ARHGEF17: variants seen among roughly 807,000 people sequenced by gnomAD.
ARHGEF17 encodes the protein 164 kDa Rho-specific guanine-nucleotide exchange factor.
Under a neutral mutation model 174.0 loss-of-function variants are expected in ARHGEF17, and 80 were observed. The ratio of observed to expected loss-of-function variants is 0.46; its 90% CI spans 0.38 to 0.55. The LOEUF is 0.55. ARHGEF17 is among the 20% of genes least tolerant of loss of function. The pLI, the probability that ARHGEF17 is intolerant of heterozygous loss-of-function variation, is 0.00. For missense variants in ARHGEF17, 2,886 were observed against 2,839.7 expected, an observed-to-expected ratio of 1.02 and a Z score of -0.37; for synonymous variants, 1,311 against 1,189.1, an observed-to-expected ratio of 1.10 and a Z score of -2.11.
At position 73,309,365 on chromosome 11, in the gene ARHGEF17, A is replaced by G; in HGVS notation, c.727A>G (p.Ser243Gly). Residue 243 changes from serine to glycine, a missense_variant, in exon 1 of 21, where the codon AGC becomes GGC. Ser to Gly is a moderately conservative substitution (Grantham distance 56). This residue lies in a region of ARHGEF17 where 1,728 missense variants were observed against 1,461.2 expected (regional missense o/e 1.18). Coordinates refer to ENST00000263674, the MANE Select transcript of ARHGEF17 (RefSeq NM_014786.4). Reference protein sequence around the residue: ...SSSIAASYPVSRSRAASSSEE... With the variant: ...SSSIAASYPVGRSRAASSSEE... ...CTCCATCGCCGCCTCCTATCCTGTCAGCCGCAGTCGTGCTGCCAGCTCCAG... is the reference window on the plus strand; with the variant it reads ...CTCCATCGCCGCCTCCTATCCTGTCGGCCGCAGTCGTGCTGCCAGCTCCAG... 1 of 1,600,180 alleles carries G rather than the reference A, an allele frequency of 6.2e-7. No individual in the cohort carries two copies. The highest frequency in any genetic ancestry group is 8.5e-7 in the Non-Finnish European group (1 of 1,174,118).
chr11:73,357,865 C>T (rs957423637), intron 9 of ARHGEF17, among the ~76,000 whole-genome samples: 4 of 152,216 alleles, frequency 2.6e-5, no homozygotes, highest in Non-Finnish European at 4.4e-5. Context: ...TGTTAGCTTT[C>T]CCTGCTTCCT....
chr11:73,347,619 C>G (rs1189476156), intron 2 of ARHGEF17, among the ~76,000 whole-genome samples: 1 of 152,182 alleles, frequency 6.6e-6, no homozygotes, highest in African/African-American at 2.4e-5. Context: ...ACGCGCTGGT[C>G]CCATAGCTAT....
At chr11:73,363,881 C>G in intron 16 of ARHGEF17, 48 bp downstream of exon 16, 15 of 1,563,702 alleles carry the variant, frequency 9.6e-6, no homozygotes, top group Non-Finnish European at 1.2e-5. Context: ...CTCAGCCACA[C>G]GTGCAGGCCT....
At chr11:73,361,925 CACA>C (rs1386963610) in intron 12 of ARHGEF17, 112 bp from the exon 13 acceptor site, 1 of 1,158,902 alleles carries the variant, frequency 8.6e-7, no homozygotes, top group Admixed American at 2.5e-5. Flanking sequence ...GGCATCCACA[CACA>C]CACACCCATG....
chr11:73,347,182 G>A (rs1865477564), intron 2 of ARHGEF17: 2 of 654,340 alleles, frequency 3.1e-6, no homozygotes, highest in African/African-American at 1.8e-5. Context: ...GGCCACCCCA[G>A]GGCAGGCGTC....
At chr11:73,338,966 T>C (rs1202829343) in intron 1 of ARHGEF17, among the ~76,000 whole-genome samples, 3 of 152,140 alleles carry the variant, frequency 2.0e-5, no homozygotes, top group African/African-American at 7.2e-5. Flanking sequence ...CTGAGAATTG[T>C]CCAAACAGCA....
At chr11:73,351,530 C>A (rs55732055) in intron 2 of ARHGEF17, among the ~76,000 whole-genome samples, 12,357 of 152,126 alleles carry the variant, frequency 0.081, 501 homozygotes, top group Non-Finnish European at 0.098. Flanking sequence ...ATAAGAGTCT[C>A]CAGTAACTTC....
chr11:73,363,662 G>C, intron 15 of ARHGEF17, 85 bp from the exon 16 acceptor site: 1 of 1,560,708 alleles, frequency 6.4e-7, no homozygotes, highest in South Asian at 1.1e-5. Context: ...TGAAGACGTG[G>C]TGCTAGGGGC....
At chr11:73,319,669 T>G (rs1172253688) in intron 1 of ARHGEF17, among the ~76,000 whole-genome samples, 1 of 152,222 alleles carries the variant, frequency 6.6e-6, no homozygotes, top group African/African-American at 2.4e-5. Flanking sequence ...GCTATTTCTT[T>G]CCATGTTCAT....
chr11:73,321,193 C>G (rs1159388690), intron 1 of ARHGEF17, among the ~76,000 whole-genome samples: 1 of 152,204 alleles, frequency 6.6e-6, no homozygotes, highest in Non-Finnish European at 1.5e-5. Flanking sequence ...GCCTGGTTCT[C>G]TGGAGGTGGG....
chr11:73,335,676 A>G (rs538497486), intron 1 of ARHGEF17, among the ~76,000 whole-genome samples: 3 of 152,154 alleles, frequency 2.0e-5, no homozygotes, highest in Non-Finnish European at 2.9e-5. Flanking sequence ...TTGGGGCTTC[A>G]GCTTCCTCAC....
intron 1 of ARHGEF17, among the ~76,000 whole-genome samples, chr11:73,332,833 G>A (rs999929596): frequency 6.6e-6 from 1 of 152,178 alleles, no homozygotes; most frequent in African/African-American, 2.4e-5. Flanking sequence ...GCCTACCCAG[G>A]AGGCTTATTG....
intron 1 of ARHGEF17, among the ~76,000 whole-genome samples, chr11:73,331,659 T>G (rs913498540): frequency 1.3e-5 from 2 of 152,124 alleles, no homozygotes; most frequent in African/African-American, 2.4e-5. Flanking sequence ...CTCAGCTGGC[T>G]TCTCATTTGT....
intron 1 of ARHGEF17, chr11:73,343,328 C>CAGCCGACCCAGG (rs1427134543): frequency 7.8e-5 from 31 of 395,406 alleles, no homozygotes; most frequent in Non-Finnish European, 1.2e-4. Context: ...GCCTAGAACT[C>CAGCCGACCCAGG]AGCCGACCCA....
rs1865892979 is a variant in ARHGEF17, at chr11:73,369,347, G to C, written c.*1567G>C. The stretch of plus-strand genomic sequence containing the variant: ...TTACATGGTAGAATCCCTTGCAGAT[G>C]ACATGTAAATGCAGAAACATGATTC... On this transcript the variant is annotated 3_prime_UTR_variant, in exon 21 of 21. Coordinates refer to ENST00000263674, the MANE Select transcript of ARHGEF17 (RefSeq NM_014786.4). 1 of 152,234 alleles carries C rather than the reference G, an allele frequency of 6.6e-6. No homozygotes were observed. The highest frequency in any genetic ancestry group is 1.5e-5 in the Non-Finnish European group (1 of 68,038). 9.4% of individuals were successfully genotyped at this position (152,234 alleles called of 1,614,324 possible).
intron 1 of ARHGEF17, among the ~76,000 whole-genome samples, chr11:73,328,878 G>A (rs987668611): frequency 5.3e-5 from 8 of 152,040 alleles, no homozygotes; most frequent in East Asian, 3.9e-4. Context: ...GAGATACTCC[G>A]AGGCCAGGGG....
At chr11:73,360,629 C>T (rs1865723206) in intron 11 of ARHGEF17, 96 bp downstream of exon 11, 58 of 1,342,104 alleles carry the variant, frequency 4.3e-5, no homozygotes, top group Non-Finnish European at 5.8e-5. Context: ...GAGCCAGAAC[C>T]GCAGTGCCCT....
chr11:73,328,109 G>A (rs1413626961), intron 1 of ARHGEF17, among the ~76,000 whole-genome samples: 2 of 152,180 alleles, frequency 1.3e-5, no homozygotes, highest in Non-Finnish European at 2.9e-5. Flanking sequence ...AAGGGAGGGA[G>A]GGAAGTGACC....
intron 1 of ARHGEF17, among the ~76,000 whole-genome samples, chr11:73,312,361 C>G (rs890814877): frequency 7.2e-5 from 11 of 152,136 alleles, no homozygotes; most frequent in Admixed American, 6.5e-4. Context: ...TGGGGAGGTA[C>G]AAGGCTTTAC....
Sources: allele counts gnomAD v4.1 joint callset (sites outside exome capture counted in the v4.1 genomes callset), GRCh38; gene constraint gnomAD v4.1.1; regional missense constraint gnomAD v4.1.1; transcripts MANE v1.5; gene names NCBI Gene and HGNC (gene_info 2026-07-23, HGNC 2026-07-21).